Variants in SRGAP3 observed in about 807,000 individuals in gnomAD.
The protein encoded by SRGAP3 is SLIT-ROBO Rho GTPase-activating protein 3.
Under a neutral mutation model 121.1 loss-of-function variants are expected in SRGAP3, and 39 were observed. The observed-to-expected ratio is 0.32, with a 90% confidence interval of 0.25 to 0.42. The LOEUF (loss-of-function observed/expected upper bound fraction) is 0.42. Among genes scored for constraint, SRGAP3 ranks in the 10% least tolerant of loss-of-function variants. The pLI is 1.00. For missense variants in SRGAP3, 1,213 were observed against 1,470.6 expected, an observed-to-expected ratio of 0.82 and a Z score of 2.86; for synonymous variants, 601 against 570.0, an observed-to-expected ratio of 1.05 and a Z score of -0.77.
In SRGAP3 at chr3:9,280,471, G is replaced by A. The variant is rs150341534; in HGVS notation, n.442+45539C>T. ...TGGGGGGCAGGTTGCCATGTACAGC[G>A]TGGTGGCAACTGGGGAAACTACTGA... is the stretch of plus-strand genomic sequence containing the variant. On this transcript the variant is annotated intron_variant and non_coding_transcript_variant, in intron 3 of 3. Transcript: ENST00000490889. Among the ~76,000 whole-genome samples, 350 of 152,300 alleles carry A rather than the reference G, an allele frequency of 2.3e-3. 2 individuals are homozygous for A. The highest frequency in any genetic ancestry group is 0.02 in the Middle Eastern group (6 of 294).
At chr3:9,036,230 C>T (rs1350182186) in intron 11 of SRGAP3, 1 of 152,170 alleles carries the variant, frequency 6.6e-6, no homozygotes, top group Non-Finnish European at 1.5e-5. Flanking sequence ...GGATCCTGCT[C>T]AAATAACCAT....
At position 8,992,740 on chromosome 3, in the gene SRGAP3, C is replaced by T. The variant is rs529046541; in HGVS notation, c.2558+166G>A. On this transcript the variant is annotated intron_variant, in intron 20 of 21. Transcript: ENST00000383836. ...CAGGCTGGATGGTTCTATACCTGGC[C>T]TTCTTGGGCCAATGCCAGCCAGCCC... The T allele has an allele frequency of 4.7e-5, 57 of 1,213,388 alleles. No homozygotes were observed. In the African/African-American group the frequency reaches 8.4e-4, roughly 18 times the overall value. The allele number at this position is 1,213,388 out of a possible 1,614,324, so 75.2% of individuals were successfully genotyped here.
intron 3 of SRGAP3, among the ~76,000 whole-genome samples, chr3:9,288,960 G>C (rs530367939): frequency 9.4e-4 from 143 of 152,090 alleles, no homozygotes; most frequent in African/African-American, 2.7e-3. Flanking sequence ...TCAGTGGCGT[G>C]ATCTTGGCTA....
chr3:9,226,071 A>T (rs1193828807), intron 1 of SRGAP3, among the ~76,000 whole-genome samples: 1 of 151,754 alleles, frequency 6.6e-6, no homozygotes, highest in African/African-American at 2.4e-5. Context: ...GTTCAGCTTT[A>T]AAAAAAAATT....
intron 4 of SRGAP3, among the ~76,000 whole-genome samples, chr3:9,074,993 T>TG (rs1165134204): frequency 2.0e-5 from 3 of 152,054 alleles, no homozygotes; most frequent in Admixed American, 6.6e-5. Context: ...AAGAGACAGG[T>TG]GGGGGGACAC....
At chr3:9,346,611 A>G (rs1955894806) in intron 1 of SRGAP3, among the ~76,000 whole-genome samples, 1 of 152,054 alleles carries the variant, frequency 6.6e-6, no homozygotes. Flanking sequence ...ATGCCTCCAA[A>G]TCTCCCCACC....
chr3:9,055,973 C>A (rs1945800489), intron 8 of SRGAP3, among the ~76,000 whole-genome samples: 2 of 152,160 alleles, frequency 1.3e-5, no homozygotes, highest in African/African-American at 4.8e-5. Context: ...GATCTCAGCT[C>A]ACTGAAACGT....
chr3:9,335,066 C>A (rs1468092927), intron 1 of SRGAP3, among the ~76,000 whole-genome samples: 8 of 152,194 alleles, frequency 5.3e-5, no homozygotes, highest in African/African-American at 1.9e-4. Flanking sequence ...CATAACAAAT[C>A]ATCCCACAAC....
intron 1 of SRGAP3, among the ~76,000 whole-genome samples, chr3:9,201,968 C>T (rs1431327624): frequency 1.3e-5 from 2 of 152,032 alleles, no homozygotes; most frequent in African/African-American, 4.8e-5. Flanking sequence ...GGATAGGCTT[C>T]AAACTCAGGC....
chr3:9,232,662 T>C (rs1354616144), intron 1 of SRGAP3, among the ~76,000 whole-genome samples: 3 of 152,192 alleles, frequency 2.0e-5, no homozygotes, highest in Non-Finnish European at 4.4e-5. Context: ...GAGTTTACTA[T>C]AGACCAGGGC....
intron 18 of SRGAP3, among the ~76,000 whole-genome samples, chr3:9,008,773 G>C (rs114690757): frequency 1.3e-5 from 2 of 152,080 alleles, no homozygotes; most frequent in African/African-American, 2.4e-5. Context: ...CCTGTGACCC[G>C]GGTCTGACCC....
rs1439518582 is a variant in SRGAP3, at chr3:9,239,838, T to C, written c.67+9047A>G. ...TCTTCAAACTGCTCTCTGAGACAAG[T>C]ATAAAACATTAGGGAACTGAGCCAG... On this transcript the variant is annotated intron_variant, in intron 1 of 21. Coordinates refer to ENST00000383836, the MANE Select transcript of SRGAP3 (RefSeq NM_014850.4). The surrounding 1 kb of genome is among the most constrained non-coding windows in gnomAD (Gnocchi z 4.0). Among the ~76,000 whole-genome samples, 1 of 152,160 alleles carries C rather than the reference T, an allele frequency of 6.6e-6. No homozygotes were observed. Among genetic ancestry groups the C allele is most frequent in the East Asian group, 1.9e-4 (1 of 5,204 alleles).
At chr3:9,180,461 C>T (rs1196115003) in intron 1 of SRGAP3, among the ~76,000 whole-genome samples, 1 of 152,126 alleles carries the variant, frequency 6.6e-6, no homozygotes, top group African/African-American at 2.4e-5. Flanking sequence ...CAGAAGCAGG[C>T]GACCACATCG....
chr3:9,156,473 T>C (rs1950420846), intron 1 of SRGAP3, among the ~76,000 whole-genome samples: 1 of 152,156 alleles, frequency 6.6e-6, no homozygotes, highest in Non-Finnish European at 1.5e-5. Flanking sequence ...AGCTGCTGGG[T>C]GGCTTAGCCA....
In SRGAP3 at chr3:9,053,117, G is replaced by A; in HGVS notation, c.1233C>T (p.Val411=). The change falls in exon 9 of 22, where the codon GTC becomes GTT. Residue 411 remains valine, a synonymous_variant. Coordinates refer to ENST00000383836, the MANE Select transcript of SRGAP3 (RefSeq NM_014850.4). ...AFQHSRSTES[V]KSAASETYMS... Reference sequence around the variant, plus strand: ...TGTAGGTCTCAGAGGCAGCCGACTTGACGGACTCTGTCGATCGACTGTGTT... The same window carrying A: ...TGTAGGTCTCAGAGGCAGCCGACTTAACGGACTCTGTCGATCGACTGTGTT... The A allele has an allele frequency of 6.2e-7, 1 of 1,614,182 alleles. No homozygotes were observed. Among genetic ancestry groups the A allele is most frequent in the African/African-American group, 1.3e-5 (1 of 75,042 alleles).
intron 21 of SRGAP3, among the ~76,000 whole-genome samples, chr3:8,986,751 A>AT (rs1484537265): frequency 6.6e-6 from 1 of 152,202 alleles, no homozygotes; most frequent in Non-Finnish European, 1.5e-5. Context: ...AAAAGTGGAA[A>AT]TTTTAACAGG....
intron 10 of SRGAP3, among the ~76,000 whole-genome samples, chr3:9,044,301 C>A (rs1377485031): frequency 6.6e-6 from 1 of 152,132 alleles, no homozygotes; most frequent in African/African-American, 2.4e-5. Context: ...TCCTACATGT[C>A]CTCTGTTTTT....
intron 1 of SRGAP3, among the ~76,000 whole-genome samples, chr3:9,226,402 C>A (rs974441455): frequency 7.2e-5 from 11 of 152,226 alleles, no homozygotes; most frequent in Non-Finnish European, 1.5e-4. Flanking sequence ...CCACTCTTGA[C>A]AATCTCTTCC....
chr3:9,270,921 G>A (rs1348796864), intron 3 of SRGAP3, among the ~76,000 whole-genome samples: 1 of 152,124 alleles, frequency 6.6e-6, no homozygotes, highest in East Asian at 1.9e-4. Context: ...GCAGAAGACT[G>A]GTACAGCATG....
Sources: allele counts gnomAD v4.1 joint callset (sites outside exome capture counted in the v4.1 genomes callset), GRCh38; gene constraint gnomAD v4.1.1; non-coding constraint Gnocchi (gnomAD v3.1); transcripts MANE v1.5; gene names NCBI Gene and HGNC (gene_info 2026-07-23, HGNC 2026-07-21).